Variants in CDCP2 observed in about 807,000 individuals in gnomAD.
The protein encoded by CDCP2 is CUB domain-containing protein 2.
CDCP2 carries 31 observed loss-of-function variants against 31.0 expected under a neutral mutation model. The ratio of observed to expected loss-of-function variants is 1.00; its 90% CI spans 0.75 to 1.35. The LOEUF (loss-of-function observed/expected upper bound fraction) is 1.35, where lower values mean the gene tolerates loss of function less well. Among genes scored for constraint, CDCP2 ranks in the 40% most tolerant of loss-of-function variants. The probability of loss-of-function intolerance (pLI) is 0.00; values close to 1 mark genes in which losing one functional copy is unlikely to be tolerated. For missense variants in CDCP2, 443 were observed against 482.6 expected (o/e 0.92, Z 0.77); for synonymous variants, 206 against 207.9 (o/e 0.99, Z 0.08).
rs374133177 is a variant in CDCP2 at position 54,140,002 on chromosome 1, G to A, written c.868C>T (p.Pro290Ser). Residue 290 changes from proline to serine, a missense_variant, in exon 4 of 6, where the codon CCC becomes TCC. Transcript: ENST00000530059. Reference sequence around the variant, plus strand: ...AACACCTTGACCTGGTAGCCCGGGGGCAGGCGGATGGTCCAGTGGCAGCGG... The same window carrying A: ...AACACCTTGACCTGGTAGCCCGGGGACAGGCGGATGGTCCAGTGGCAGCGG... 11 of 1,613,966 alleles carry A rather than the reference G, an allele frequency of 6.8e-6. No homozygotes were observed. The highest frequency in any genetic ancestry group is 8.5e-6 in the Non-Finnish European group (10 of 1,180,046).
exon 3 of CDCP2, chr1:54,141,303 C>T (rs1292283688): frequency 6.2e-7 from 1 of 1,614,138 alleles, no homozygotes; most frequent in Non-Finnish European, 8.5e-7. Flanking sequence ...AGTCCACGAA[C>T]ACCAGCTTGA....
At chr1:54,134,471 G>A (rs1659222997) in intron 5 of CDCP2, among the ~76,000 whole-genome samples, 1 of 152,302 alleles carries the variant, frequency 6.6e-6, no homozygotes, top group African/African-American at 2.4e-5. Context: ...AGTCTGGCGT[G>A]GTCAGCAGTG....
chr1:54,137,772 G>C (rs1165391273), intron 4 of CDCP2: 1 of 152,116 alleles, frequency 6.6e-6, no homozygotes, highest in Middle Eastern at 3.2e-3. Flanking sequence ...AAAGGAAAGA[G>C]AGCTGGCAGG....
exon 5 of CDCP2, chr1:54,136,761 T>C (rs1357635578): frequency 2.3e-5 from 9 of 398,982 alleles, no homozygotes; most frequent in Admixed American, 8.8e-5. Flanking sequence ...TGCGTGGAGA[T>C]CAGGATCTGG....
intron 1 of CDCP2, among the ~76,000 whole-genome samples, chr1:54,151,062 T>C (rs1349146532): frequency 6.6e-6 from 1 of 152,066 alleles, no homozygotes; most frequent in Non-Finnish European, 1.5e-5. Context: ...GCCAGCAGTA[T>C]CAAGGAGGGG....
At position 54,137,048 on chromosome 1, in the gene CDCP2, C is replaced by T. The variant is rs138831619; in HGVS notation, c.1118-240G>A. On this transcript the variant is annotated intron_variant, in intron 4 of 5. Transcript: ENST00000530059. ...CACCAAGTTTGATCCTCTCAGCGTC[C>T]TCTGGGCCCAGCACAGAGCTTGGCA... Among the ~76,000 whole-genome samples the T allele has an allele frequency of 7.2e-4, 110 of 152,338 alleles. 1 individual carries two copies. Among genetic ancestry groups the T allele is most frequent in the African/African-American group, 2.6e-3 (107 of 41,576 alleles).
At chr1:54,150,988 G>A (rs947892337) in intron 1 of CDCP2, among the ~76,000 whole-genome samples, 7 of 152,222 alleles carry the variant, frequency 4.6e-5, no homozygotes, top group African/African-American at 1.2e-4. Flanking sequence ...AACACACAGC[G>A]TGATTGCACT....
intron 1 of CDCP2, among the ~76,000 whole-genome samples, chr1:54,150,083 G>A (rs1039827698): frequency 3.3e-5 from 5 of 152,148 alleles, no homozygotes; most frequent in Admixed American, 2.0e-4. Flanking sequence ...AGGGGTGGAC[G>A]CCTGACTCTA....
At chr1:54,145,104 A>G (rs1659441472) in intron 1 of CDCP2, among the ~76,000 whole-genome samples, 1 of 152,166 alleles carries the variant, frequency 6.6e-6, no homozygotes, top group African/African-American at 2.4e-5. Context: ...CTGGCAGGGA[A>G]GACAGACAAT....
chr1:54,145,247 A>G (rs615281), intron 1 of CDCP2, among the ~76,000 whole-genome samples: 151,791 of 152,206 alleles, frequency 1, 75,690 homozygotes, highest in Middle Eastern at 1. Flanking sequence ...CCAATATAGT[A>G]AAATCCCATC....
chr1:54,144,675 T>C (rs1188166115), exon 2 of CDCP2: 1 of 1,614,128 alleles, frequency 6.2e-7, no homozygotes, highest in African/African-American at 1.3e-5. Context: ...GTCAAAGGCA[T>C]GGAAGGTGAG....
intron 5 of CDCP2, among the ~76,000 whole-genome samples, chr1:54,133,913 C>CAAACAAACAAACAAAAAA (rs748829165): frequency 6.9e-6 from 1 of 144,778 alleles, no homozygotes. Context: ...AACAAACAAA[C>CAAACAAACAAACAAAAAA]AAAAAAAACC....
exon 6 of CDCP2, chr1:54,133,069 T>C (rs1048355176): frequency 2.8e-5 from 11 of 398,972 alleles, no homozygotes; most frequent in African/African-American, 2.3e-4. Flanking sequence ...GCCACCATGC[T>C]CACTGGGCCC....
intron 2 of CDCP2, 162 bp downstream of exon 2, chr1:54,144,304 G>A (rs1321473097): frequency 7.9e-6 from 5 of 634,106 alleles, no homozygotes; most frequent in African/African-American, 7.4e-5. Flanking sequence ...TCTCACCTGA[G>A]CCCTGCTGCT....
At chr1:54,148,085 C>T (rs1659506637) in intron 1 of CDCP2, among the ~76,000 whole-genome samples, 1 of 151,558 alleles carries the variant, frequency 6.6e-6, no homozygotes, top group South Asian at 2.1e-4. Context: ...ATCCAGACAA[C>T]ATTATCAAAC....
In CDCP2 at chr1:54,139,645, T is replaced by TGC. The variant is rs1553173737; in HGVS notation, c.1117+107_1117+108insGC. 3.8e-3 allele frequency: 5,885 copies of TGC among 1,534,478 alleles called. 20 individuals carry two copies. Among genetic ancestry groups the TGC allele is most frequent in the Middle Eastern group, 0.013 (74 of 5,866 alleles). On this transcript the variant is annotated intron_variant, in intron 4 of 5. Transcript: ENST00000530059. Reference sequence around the variant, plus strand: ...AGAAGGAGCTGGAGAAGACCATTCATGGGGGGGGCAGGACAAACTGGTGGG... The same window carrying TGC: ...AGAAGGAGCTGGAGAAGACCATTCATGCGGGGGGGGCAGGACAAACTGGTGGG...
intron 1 of CDCP2, among the ~76,000 whole-genome samples, chr1:54,151,276 G>C (rs1459821851): frequency 2.0e-5 from 3 of 152,186 alleles, no homozygotes; most frequent in Non-Finnish European, 4.4e-5. Context: ...GGCTGTGTGA[G>C]GGCTGCACAG....
exon 3 of CDCP2, chr1:54,141,264 G>A (rs1270679613): frequency 6.2e-7 from 1 of 1,614,114 alleles, no homozygotes; most frequent in Non-Finnish European, 8.5e-7. Context: ...CGTAGTCATA[G>A]GTGCACTCTT....
chr1:54,139,587 G>A (rs747676971), intron 4 of CDCP2, 166 bp downstream of exon 4: 1 of 1,611,826 alleles, frequency 6.2e-7, no homozygotes, highest in Non-Finnish European at 8.5e-7. Context: ...CAGTCTTAGG[G>A]GTCCCGAGAG....
Sources: allele counts gnomAD v4.1 joint callset (sites outside exome capture counted in the v4.1 genomes callset), GRCh38; gene constraint gnomAD v4.1.1; transcripts MANE v1.5; gene names NCBI Gene and HGNC (gene_info 2026-07-23, HGNC 2026-07-21).